The following SCHIP1 variants were observed in gnomAD, a reference collection of about 807,000 sequenced individuals.
The protein encoded by SCHIP1 is schwannomin-interacting protein 1.
A neutral mutation model predicts 29.7 loss-of-function variants in SCHIP1; 8 were observed. The ratio of observed to expected loss-of-function variants is 0.27; its 90% CI spans 0.16 to 0.49. SCHIP1 has a LOEUF of 0.49. Ranked by LOEUF, SCHIP1 falls within the 20% of genes least tolerant of loss-of-function variation. The probability of loss-of-function intolerance (pLI) is 0.99; values close to 1 mark genes in which losing one functional copy is unlikely to be tolerated. For missense variants in SCHIP1, 193 were observed against 294.6 expected, an observed-to-expected ratio of 0.66 and a Z score of 2.52; for synonymous variants, 76 against 94.9, an observed-to-expected ratio of 0.80 and a Z score of 1.16.
At chr3:159,755,053 G>A in the SCHIP1 span, among the ~76,000 whole-genome samples, 1 of 152,138 alleles carries the variant, frequency 6.6e-6, no homozygotes, top group African/African-American at 2.4e-5. Flanking sequence ...GGCTAACACA[G>A]TGAAACCCCG....
chr3:159,648,069 C>A, the SCHIP1 span, among the ~76,000 whole-genome samples: 1 of 152,078 alleles, frequency 6.6e-6, no homozygotes, highest in African/African-American at 2.4e-5. Context: ...ACCAAGCCAG[C>A]ACTGAGGAAG....
chr3:159,726,659 A>C, the SCHIP1 span, among the ~76,000 whole-genome samples: 1 of 152,176 alleles, frequency 6.6e-6, no homozygotes, highest in East Asian at 1.9e-4. Context: ...CCTTTATTGC[A>C]AGTGAAATAG....
the SCHIP1 span, among the ~76,000 whole-genome samples, chr3:159,829,990 G>C: frequency 6.6e-6 from 1 of 152,156 alleles, no homozygotes; most frequent in African/African-American, 2.4e-5. Context: ...AACCAATTTT[G>C]AATAAGTTTC....
At chr3:159,444,885 T>C in the SCHIP1 span, among the ~76,000 whole-genome samples, 5 of 152,178 alleles carry the variant, frequency 3.3e-5, no homozygotes, top group East Asian at 9.6e-4. Context: ...TTTAACCTGA[T>C]GTTGAGGGAG....
the SCHIP1 span, among the ~76,000 whole-genome samples, chr3:159,304,657 C>T: frequency 6.6e-5 from 10 of 152,150 alleles, no homozygotes; most frequent in East Asian, 1.9e-4. Context: ...AGTGTTTCCT[C>T]GGAGAAGCAT....
chr3:159,437,652 T>A, the SCHIP1 span, among the ~76,000 whole-genome samples: 2 of 152,030 alleles, frequency 1.3e-5, no homozygotes, highest in Admixed American at 6.6e-5. Flanking sequence ...AAAATCTACA[T>A]CTTGCTAAGG....
At chr3:159,758,433 G>A in the SCHIP1 span, among the ~76,000 whole-genome samples, 2 of 152,220 alleles carry the variant, frequency 1.3e-5, no homozygotes, top group African/African-American at 2.4e-5. Flanking sequence ...TTACAGGCGT[G>A]AGCCACCACA....
chr3:159,549,128 CTG>C, the SCHIP1 span, among the ~76,000 whole-genome samples: 4 of 152,124 alleles, frequency 2.6e-5, no homozygotes, highest in Non-Finnish European at 5.9e-5. Flanking sequence ...TTATCATTAG[CTG>C]TAGTCTGACT....
chr3:159,820,249 G>C, the SCHIP1 span, among the ~76,000 whole-genome samples: 3 of 152,100 alleles, frequency 2.0e-5, no homozygotes, highest in Non-Finnish European at 4.4e-5. Context: ...AGTGATTTGG[G>C]GGGTAAAGGA....
chr3:159,412,899 G>A, the SCHIP1 span, among the ~76,000 whole-genome samples: 2 of 152,166 alleles, frequency 1.3e-5, no homozygotes, highest in Non-Finnish European at 2.9e-5. Flanking sequence ...CATTGTATTA[G>A]TCCATTCTCA....
chr3:159,504,354 C>G, the SCHIP1 span, among the ~76,000 whole-genome samples: 1 of 152,138 alleles, frequency 6.6e-6, no homozygotes, highest in Non-Finnish European at 1.5e-5. Flanking sequence ...CAATTTCAAC[C>G]TGCCATAGAA....
chr3:159,274,803 A>T, the SCHIP1 span: 2 of 671,964 alleles, frequency 3.0e-6, no homozygotes, highest in African/African-American at 3.9e-5. Context: ...AGTTTGGAAC[A>T]TTTATTTATG....
the SCHIP1 span, among the ~76,000 whole-genome samples, chr3:159,464,133 GA>G: frequency 6.6e-6 from 1 of 152,252 alleles, no homozygotes; most frequent in East Asian, 1.9e-4. Flanking sequence ...TCCTGTATCA[GA>G]ATTTCTGAAA....
chr3:159,891,997 T>G, intron 5 of SCHIP1, 100 bp from the exon 7 acceptor site: 2 of 1,282,464 alleles, frequency 1.6e-6, no homozygotes, highest in African/African-American at 1.5e-5. Context: ...ATCTTTCCTA[T>G]TATGGGTAGC....
At chr3:159,487,384 G>C in the SCHIP1 span, among the ~76,000 whole-genome samples, 1 of 152,052 alleles carries the variant, frequency 6.6e-6, no homozygotes, top group Non-Finnish European at 1.5e-5. Flanking sequence ...TCCCTCAGGA[G>C]ACAAACTTTT....
At chr3:159,719,689 C>T in the SCHIP1 span, among the ~76,000 whole-genome samples, 3 of 152,200 alleles carry the variant, frequency 2.0e-5, no homozygotes, top group Non-Finnish European at 4.4e-5. Context: ...AATGAGATAG[C>T]ATCTCACACC....
At chr3:159,402,088 AAAAC>A in the SCHIP1 span, among the ~76,000 whole-genome samples, 16 of 152,316 alleles carry the variant, frequency 1.1e-4, 1 homozygote, top group Middle Eastern at 3.4e-3. Flanking sequence ...TTACAAGAAA[AAAAC>A]AAACAACCCC....
At chr3:159,827,872 T>A in the SCHIP1 span, among the ~76,000 whole-genome samples, 6 of 151,956 alleles carry the variant, frequency 3.9e-5, no homozygotes, top group Non-Finnish European at 5.9e-5. Flanking sequence ...TAACTCTGAT[T>A]TTCATAGTAA....
chr3:159,387,795 C>T, the SCHIP1 span, among the ~76,000 whole-genome samples: 2 of 152,126 alleles, frequency 1.3e-5, no homozygotes, highest in Admixed American at 1.3e-4. Context: ...TGAGCTTAAA[C>T]TGGGCCATGG....
Sources: allele counts gnomAD v4.1 joint callset (sites outside exome capture counted in the v4.1 genomes callset), GRCh38; gene constraint gnomAD v4.1.1; transcripts MANE v1.5; gene names NCBI Gene and HGNC (gene_info 2026-07-23, HGNC 2026-07-21).